Variants in LDB3 observed in about 807,000 individuals in gnomAD.
The protein encoded by LDB3 is LIM domain binding 3, also known as LIM domain-binding protein 3.
Under a neutral mutation model 69.0 loss-of-function variants are expected in LDB3, and 49 were observed. The ratio of observed to expected loss-of-function variants is 0.71; its 90% CI spans 0.56 to 0.90. The LOEUF is 0.90. LDB3 is among the 40% of genes least tolerant of loss of function. LDB3 has a pLI of 0.00. For synonymous variants in LDB3, 387 were observed against 396.2 expected (o/e 0.98, Z 0.28); for missense variants, 928 against 974.1 (o/e 0.95, Z 0.63).
In LDB3 at chr10:86,716,597, C is replaced by T. The variant is rs755362259; in HGVS notation, c.1502C>T (p.Ala501Val). Residue 501 changes from alanine (A) to valine (V), a missense_variant, in exon 10 of 14, where the codon GCC becomes GTC. By Grantham distance (64) the Ala-to-Val change is moderately conservative. Coordinates refer to ENST00000361373, the MANE Select transcript of LDB3 (RefSeq NM_007078.3). ...VTDDSFSQKF[A>V]PGKSTTSISK... ...GATGATAGCTTCTCCCAGAAGTTTG[C>T]CCCGGGCAAGAGCACCACCTCCATC... The T allele has an allele frequency of 1.1e-5, 17 of 1,613,708 alleles. No individual in the cohort carries two copies. Among genetic ancestry groups the T allele is most frequent in the East Asian group, 2.2e-5 (1 of 44,864 alleles).
At position 86,681,600 on chromosome 10, in the gene LDB3, C is replaced by A. The variant is rs1303331775; in HGVS notation, c.486C>A (p.Gly162=). 6.2e-7 allele frequency: 1 copy of A among 1,613,040 alleles called. No homozygotes were observed. Among genetic ancestry groups the A allele is most frequent in the Non-Finnish European group, 8.5e-7 (1 of 1,179,752 alleles). ...CACTCGCCGAGGCCTCTGACCCTGG[C>A]CCTCCGCGGGCCAGCCTGAGGGCCA... ...FSSLAEASDP[G]PPRASLRAKT... is the part of the protein sequence containing the mutation. Residue 162 remains glycine, a synonymous_variant, in exon 5 of 14, where the codon GGC becomes GGA. Coordinates refer to ENST00000361373, the MANE Select transcript of LDB3 (RefSeq NM_007078.3).
At chr10:86,677,860 G>A (rs889367246) in intron 2 of LDB3, among the ~76,000 whole-genome samples, 10 of 152,152 alleles carry the variant, frequency 6.6e-5, no homozygotes, top group Admixed American at 6.5e-4. Flanking sequence ...CTGGCACTAA[G>A]ATGCTTTTGA....
At chr10:86,674,288 C>G (rs545418166) in intron 2 of LDB3, among the ~76,000 whole-genome samples, 7 of 152,184 alleles carry the variant, frequency 4.6e-5, no homozygotes, top group African/African-American at 9.7e-5. Context: ...TTGTCATTCT[C>G]TTGACACTGG....
chr10:86,714,278 C>A (rs1485178553), intron 9 of LDB3, among the ~76,000 whole-genome samples: 1 of 152,178 alleles, frequency 6.6e-6, no homozygotes, highest in African/African-American at 2.4e-5. Flanking sequence ...GCTATCAAGA[C>A]TCCACAGCAG....
intron 5 of LDB3, among the ~76,000 whole-genome samples, chr10:86,689,515 C>G (rs538710181): frequency 6.6e-6 from 1 of 152,244 alleles, no homozygotes; most frequent in Admixed American, 6.5e-5. Flanking sequence ...AGTAGTGACA[C>G]TCATGCTGCA....
chr10:86,709,853 G>A, intron 8 of LDB3, 52 bp from the exon 9 acceptor site: 1 of 1,597,476 alleles, frequency 6.3e-7, no homozygotes, highest in Non-Finnish European at 8.5e-7. Flanking sequence ...TTGACTGCAG[G>A]CCCCAGTGGG....
Position 86,709,927 on chromosome 10 carries a change from C to T in LDB3, c.1108C>T (p.Pro370Ser). 1 of 1,611,954 alleles carries T rather than the reference C, an allele frequency of 6.2e-7. No homozygotes were observed. The highest frequency in any genetic ancestry group is 2.2e-5 in the East Asian group (1 of 44,878). Reference protein sequence around the residue: ...SPRPQASSYSPAVAASSAPAT... With the variant: ...SPRPQASSYSSAVAASSAPAT... ...CAGGCCCCAGGCCTCTTCCTACAGC[C>T]CCGCAGTGGCCGCCTCTTCAGCACC... The change falls in exon 9 of 14, where the codon CCC becomes TCC. Residue 370 changes from proline to serine, a missense_variant. Transcript: ENST00000361373.
chr10:86,699,239 TTCTCTCTCTC>T lies in LDB3; in HGVS notation c.896+6688_896+6697del, dbSNP rs71019410. On this transcript the variant is annotated intron_variant, in intron 7 of 13. Coordinates refer to ENST00000361373, the MANE Select transcript of LDB3 (RefSeq NM_007078.3). The surrounding 1 kb of genome is among the most constrained non-coding windows in gnomAD (Gnocchi z 4.9). The stretch of plus-strand genomic sequence containing the variant: ...TCTCTCTTTCTGTCTCTGTCTCTGT[TTCTCTCTCTC>T]TCTCTCTCTCTCTCTCTCTGTGCCA... The T allele has an allele frequency of 9.4e-4, 1,458 of 1,555,810 alleles. No individual in the cohort carries two copies. Among genetic ancestry groups the T allele is most frequent in the East Asian group, 2.7e-3 (114 of 42,748 alleles).
chr10:86,695,569 CT>C (rs1845959447), intron 7 of LDB3, among the ~76,000 whole-genome samples: 1 of 152,234 alleles, frequency 6.6e-6, no homozygotes, highest in South Asian at 2.1e-4. Flanking sequence ...TCCAGGTTGC[CT>C]TGAACATCAG....
At chr10:86,672,278 T>G (rs72848109) in intron 2 of LDB3, among the ~76,000 whole-genome samples, 4,907 of 152,274 alleles carry the variant, frequency 0.032, 115 homozygotes, top group Middle Eastern at 0.054. Context: ...GCCTGTCTAC[T>G]GGAAACCCTC....
At chr10:86,692,875 G>T (rs772178499) in intron 7 of LDB3, among the ~76,000 whole-genome samples, 26 of 152,186 alleles carry the variant, frequency 1.7e-4, no homozygotes, top group Non-Finnish European at 3.5e-4. Flanking sequence ...TTGAGAATGA[G>T]GGCAACTTTC....
rs149423035 is a variant in LDB3 at position 86,716,667 on chromosome 10, G to A, written c.1572G>A (p.Ala524=). The A allele has an allele frequency of 3.2e-5, 52 of 1,613,946 alleles. No homozygotes were observed. In the African/African-American group the frequency reaches 3.7e-4, roughly 12 times the overall value. The part of the protein sequence containing the change: ...LPRGGPAYTP[A]GPQVPPLARG... ...GGGGAGGCCCAGCCTACACCCCAGC[G>A]GGTCCTCAGGTGCCACCACTTGCCA... is the stretch of plus-strand genomic sequence containing the variant. The change falls in exon 10 of 14, where the codon GCG becomes GCA. Residue 524 remains alanine, a synonymous_variant. Coordinates refer to ENST00000361373, the MANE Select transcript of LDB3 (RefSeq NM_007078.3).
intron 13 of LDB3, chr10:86,732,469 C>T (rs1464720432): frequency 8.8e-6 from 4 of 455,004 alleles, no homozygotes; most frequent in Non-Finnish European, 1.8e-5. Context: ...AGGCTGTTGC[C>T]TTTTCTCTAG....
At chr10:86,693,695 C>T (rs1031356054) in intron 7 of LDB3, among the ~76,000 whole-genome samples, 39 of 152,174 alleles carry the variant, frequency 2.6e-4, no homozygotes, top group Non-Finnish European at 5.3e-4. Flanking sequence ...CTAGAGAGTC[C>T]GCGATGAAGT....
At chr10:86,718,185 C>G (rs1193247579) in intron 11 of LDB3, 41 bp downstream of exon 11, 1 of 1,584,076 alleles carries the variant, frequency 6.3e-7, no homozygotes, top group African/African-American at 1.3e-5. Context: ...CATGTCTCTT[C>G]CCCAGCCCTT....
At chr10:86,677,173 G>T (rs1564631570) in intron 2 of LDB3, among the ~76,000 whole-genome samples, 1 of 152,212 alleles carries the variant, frequency 6.6e-6, no homozygotes, top group Non-Finnish European at 1.5e-5. Flanking sequence ...CTGAAGGCCA[G>T]GCCTGCATGG....
rs1846462672 is a variant in LDB3, at chr10:86,706,789, C to T, written c.1085+70C>T. On this transcript the variant is annotated intron_variant, in intron 8 of 13. Transcript: ENST00000361373. ...CAGGAAACGCCCCACTCTGGGTCTA[C>T]CTGTGGCCAGCTGTGTCCAAGGTAG... The T allele has an allele frequency of 1.7e-5, 25 of 1,503,172 alleles. No individual in the cohort carries two copies. In the Admixed American group the frequency reaches 3.2e-4, roughly 19 times the overall value. The allele number at this position is 1,503,172 out of a possible 1,614,324, so 93.1% of individuals were successfully genotyped here.
At chr10:86,679,887 T>A (rs1353476451) in intron 3 of LDB3, among the ~76,000 whole-genome samples, 195 bp from the exon 4 acceptor site, 2 of 152,170 alleles carry the variant, frequency 1.3e-5, no homozygotes, top group East Asian at 1.9e-4. Flanking sequence ...GATTTCTCCA[T>A]CCTCGTCGGG....
At chr10:86,681,332 G>A (rs1845112171) in intron 4 of LDB3, 104 bp from the exon 5 acceptor site, 2 of 1,540,870 alleles carry the variant, frequency 1.3e-6, no homozygotes, top group Admixed American at 3.3e-5. Context: ...AGGCTGCGGG[G>A]CTCGCGCTAA....
Sources: allele counts gnomAD v4.1 joint callset (sites outside exome capture counted in the v4.1 genomes callset), GRCh38; gene constraint gnomAD v4.1.1; non-coding constraint Gnocchi (gnomAD v3.1); transcripts MANE v1.5; gene names NCBI Gene and HGNC (gene_info 2026-07-23, HGNC 2026-07-21).